Variants in CDKL5 observed in about 807,000 individuals in gnomAD.
CDKL5 encodes cyclin-dependent kinase-like 5.
Under a neutral mutation model 61.7 loss-of-function variants are expected in CDKL5, and 8 were observed. The ratio of observed to expected loss-of-function variants is 0.13; its 90% confidence interval spans 0.08 to 0.23. The LOEUF is 0.23. Among genes scored for constraint, CDKL5 ranks in the 10% least tolerant of loss-of-function variants. The probability of loss-of-function intolerance (pLI) is 1.00; values close to 1 mark genes in which losing one functional copy is unlikely to be tolerated. For synonymous variants in CDKL5, 275 were observed against 272.3 expected (o/e 1.01, Z -0.10); for missense variants, 440 against 734.5 (o/e 0.60, Z 4.63).
At chrX:18,492,285 A>C (rs1026242238) in intron 1 of CDKL5, among the ~76,000 whole-genome samples, 1 of 111,177 alleles carries the variant, frequency 9.0e-6, no homozygotes, top group Non-Finnish European at 1.9e-5. Context: ...TCTCTGAACT[A>C]TTTGTTCATA....
chrX:18,440,382 A>G (rs1931710451), intron 1 of CDKL5, among the ~76,000 whole-genome samples: 2 of 112,123 alleles, frequency 1.8e-5, no homozygotes, highest in East Asian at 2.8e-4. Flanking sequence ...ACAGCAATTC[A>G]GTCATATCTT....
rs141217587 is a variant in CDKL5, at chrX:18,548,670, C to T, written c.100-15807C>T. Among the ~76,000 whole-genome samples, 293 of 112,200 alleles carry T rather than the reference C, an allele frequency of 2.6e-3. 3 individuals carry two copies. Among genetic ancestry groups the T allele is most frequent in the African/African-American group, 8.8e-3 (272 of 30,891 alleles). ...GGTCACAGGATTTCTAGAGATAACC[C>T]AGCGCAGTGCTTGAATAGGGAGTTT... On this transcript the variant is annotated intron_variant, in intron 3 of 17. Coordinates refer to ENST00000623535, the MANE Select transcript of CDKL5 (RefSeq NM_001323289.2).
Position 18,629,592 on chromosome X carries a change from G to A in CDKL5, c.*835G>A. 2.7e-6 allele frequency: 2 copies of A among 749,772 alleles called. No homozygotes were observed. The highest frequency in any genetic ancestry group is 3.1e-6 in the Non-Finnish European group (2 of 635,413). The allele number at this position is 749,772 out of a possible 1,213,427, so 61.8% of individuals were successfully genotyped here. Reference sequence around the variant, plus strand: ...TACTTCTACTAAAGGGAGTTGAATTGTGGCTACACGTGACTGTAACAGTAT... The same window carrying A: ...TACTTCTACTAAAGGGAGTTGAATTATGGCTACACGTGACTGTAACAGTAT... On this transcript the variant is annotated 3_prime_UTR_variant, in exon 18 of 18. Coordinates refer to ENST00000623535, the MANE Select transcript of CDKL5 (RefSeq NM_001323289.2).
intron 4 of CDKL5, among the ~76,000 whole-genome samples, chrX:18,570,353 A>C (rs1371978756): frequency 5.4e-5 from 6 of 111,909 alleles, no homozygotes; most frequent in Admixed American, 1.9e-4. Flanking sequence ...ATCATTTTGC[A>C]TCTTCTGTGA....
At chrX:18,572,428 C>T (rs910617982) in intron 4 of CDKL5, among the ~76,000 whole-genome samples, 5 of 112,070 alleles carry the variant, frequency 4.5e-5, no homozygotes, top group South Asian at 3.7e-4. Context: ...AGTTTATGGA[C>T]GCTCTTAATG....
chrX:18,631,909 A>G lies in CDKL5; in HGVS notation c.*3152A>G. The G allele has an allele frequency of 2.7e-6, 2 of 734,550 alleles. No homozygotes were observed. Among genetic ancestry groups the G allele is most frequent in the Non-Finnish European group, 3.2e-6 (2 of 621,651 alleles). 60.5% of individuals were successfully genotyped at this position (734,550 alleles called of 1,213,427 possible). ...GTGGTTCTCAACTAGGGGCAGATTT[A>G]CCCCCAAGGGTACATTTGGCAATGT... is the stretch of plus-strand genomic sequence containing the variant. On this transcript the variant is annotated 3_prime_UTR_variant, in exon 18 of 18. Transcript: ENST00000623535.
At chrX:18,439,045 G>GCCCCCCCCACCC (rs1931674944) in intron 1 of CDKL5, among the ~76,000 whole-genome samples, 1 of 37,487 alleles carries the variant, frequency 2.7e-5, no homozygotes, top group Non-Finnish European at 4.4e-5. Context: ...GCCCCTTTTT[G>GCCCCCCCCACCC]CCCCCCCCCC....
At chrX:18,490,730 G>A (rs189183171) in intron 1 of CDKL5, among the ~76,000 whole-genome samples, 212 of 111,655 alleles carry the variant, frequency 1.9e-3, no homozygotes, top group African/African-American at 6.7e-3. Flanking sequence ...ATCAATTAAT[G>A]GTCTTGATGA....
intron 14 of CDKL5, among the ~76,000 whole-genome samples, chrX:18,611,352 G>A (rs1192880882): frequency 9.2e-6 from 1 of 108,173 alleles, no homozygotes; most frequent in African/African-American, 3.4e-5. Context: ...GAAGAATGGC[G>A]TGAACCCGGG....
downstream of CDKL5, chrX:18,640,824 T>A (rs1162333172): frequency 1.8e-5 from 2 of 112,285 alleles, no homozygotes; most frequent in African/African-American, 6.5e-5. Flanking sequence ...CCCTCCCCCG[T>A]GTTAACAGCC....
chrX:18,513,404 T>A (rs1922895669), intron 3 of CDKL5, among the ~76,000 whole-genome samples: 1 of 110,337 alleles, frequency 9.1e-6, no homozygotes, highest in African/African-American at 3.3e-5. Context: ...GTAGGGAACT[T>A]TGAATTACAA....
intron 11 of CDKL5, among the ~76,000 whole-genome samples, chrX:18,603,498 A>G (rs1195640285): frequency 2.7e-5 from 3 of 112,470 alleles, no homozygotes; most frequent in Non-Finnish European, 5.6e-5. Flanking sequence ...CTTTAAGTCT[A>G]AATGTTGTCT....
intron 1 of CDKL5, among the ~76,000 whole-genome samples, chrX:18,476,436 C>T (rs781176242): frequency 3.6e-5 from 4 of 111,353 alleles, no homozygotes; most frequent in East Asian, 2.9e-4. Flanking sequence ...AGGCTGGTCT[C>T]GACCTCCTGG....
rs1162842530 is a variant in CDKL5 at position 18,636,519 on chromosome X, A to G, written c.*7762A>G. ...GCAGGGCCAGGATTTGAAGCCGAAT[A>G]TGTTCATTGTAAAGCCCATATACCC... On this transcript the variant is annotated 3_prime_UTR_variant, in exon 18 of 18. Transcript: ENST00000623535. 9.0e-6 allele frequency: 1 copy of G among 110,547 alleles called. No individual in the cohort carries two copies. The highest frequency in any genetic ancestry group is 1.9e-5 in the Non-Finnish European group (1 of 52,963). The allele number at this position is 110,547 out of a possible 1,213,427, so 9.1% of individuals were successfully genotyped here. A position where few individuals can be genotyped will look rare whatever the true frequency, so the allele number is the denominator to read the frequency against.
At chrX:18,648,526 A>C (rs969246350) in intron 20 of CDKL5, among the ~76,000 whole-genome samples, 4 of 110,873 alleles carry the variant, frequency 3.6e-5, no homozygotes, top group African/African-American at 1.3e-4. Flanking sequence ...TACAGGTGTG[A>C]GCCATCACAC....
chrX:18,445,404 G>A (rs1402980181), intron 1 of CDKL5, among the ~76,000 whole-genome samples: 1 of 111,910 alleles, frequency 8.9e-6, no homozygotes, highest in Non-Finnish European at 1.9e-5. Flanking sequence ...TCTGCACAGC[G>A]CTGGGCTGGT....
intron 11 of CDKL5, among the ~76,000 whole-genome samples, chrX:18,601,223 G>T (rs1183055944): frequency 8.9e-6 from 1 of 111,804 alleles, no homozygotes; most frequent in African/African-American, 3.3e-5. Context: ...ATCTCCCTCA[G>T]GCTCTCCTGA....
intron 14 of CDKL5, among the ~76,000 whole-genome samples, chrX:18,610,193 G>T (rs950319206): frequency 1.3e-4 from 14 of 109,179 alleles, no homozygotes; most frequent in Non-Finnish European, 2.1e-4. Context: ...CCCATGATCT[G>T]GCCCTTGCCA....
At chrX:18,493,682 G>GAC (rs1442516879) in intron 1 of CDKL5, among the ~76,000 whole-genome samples, 1 of 111,008 alleles carries the variant, frequency 9.0e-6, no homozygotes, top group East Asian at 2.8e-4. Flanking sequence ...TGGAGTTGAG[G>GAC]ACAATAACTC....
Sources: gnomAD v4.1 joint callset for allele counts (sites outside exome capture counted in the v4.1 genomes callset) on GRCh38, gnomAD v4.1.1 for gene constraint, MANE v1.5 for transcripts, NCBI Gene and HGNC (gene_info 2026-07-23, HGNC 2026-07-21) for gene names.